AFG1L: variants seen among roughly 807,000 people sequenced by gnomAD.
The protein encoded by AFG1L is AFG1 like ATPase.
A neutral mutation model predicts 62.2 loss-of-function variants in AFG1L; 53 were observed. The observed-to-expected ratio is 0.85, with a 90% confidence interval of 0.68 to 1.07. AFG1L has a LOEUF of 1.07. Ranked by LOEUF, AFG1L falls within the 50% of genes least tolerant of loss-of-function variation. AFG1L has a pLI of 0.00. For synonymous variants in AFG1L, 228 were observed against 210.3 expected (o/e 1.08, Z -0.73); for missense variants, 555 against 590.5 (o/e 0.94, Z 0.62).
intron 6 of AFG1L, among the ~76,000 whole-genome samples, chr6:108,374,689 T>G (rs765829017): frequency 1.1e-4 from 17 of 152,210 alleles, no homozygotes; most frequent in Non-Finnish European, 2.4e-4. Context: ...CATTGGTCTA[T>G]ATGTCTGTTT....
chr6:108,463,507 G>A (rs759329627), intron 8 of AFG1L, among the ~76,000 whole-genome samples: 57 of 151,052 alleles, frequency 3.8e-4, no homozygotes, highest in South Asian at 6.3e-4. Flanking sequence ...AATTCTAGAT[G>A]TCATGGTACT....
intron 2 of AFG1L, among the ~76,000 whole-genome samples, chr6:108,327,769 C>T (rs1778111730): frequency 6.6e-6 from 1 of 152,240 alleles, no homozygotes; most frequent in Non-Finnish European, 1.5e-5. Flanking sequence ...CTTCTGTTCA[C>T]TCTACCAACT....
At chr6:108,495,729 T>C (rs1773951229) in intron 10 of AFG1L, among the ~76,000 whole-genome samples, 1 of 152,220 alleles carries the variant, frequency 6.6e-6, no homozygotes, top group Admixed American at 6.5e-5. Flanking sequence ...AAACAAATAC[T>C]CTTTGCAAAG....
intron 1 of AFG1L, among the ~76,000 whole-genome samples, chr6:108,316,603 G>A (rs1403892112): frequency 1.4e-5 from 2 of 144,968 alleles, no homozygotes; most frequent in African/African-American, 2.6e-5. Flanking sequence ...GTGCGATCTC[G>A]GCTCACTGCA....
At chr6:108,487,397 A>G (rs566337940) in intron 10 of AFG1L, among the ~76,000 whole-genome samples, 1 of 152,276 alleles carries the variant, frequency 6.6e-6, no homozygotes, top group African/African-American at 2.4e-5. Flanking sequence ...AAAAGATACT[A>G]TTTTGCTGAG....
chr6:108,447,327 T>A, intron 8 of AFG1L, 31 bp downstream of exon 8: 1 of 1,230,932 alleles, frequency 8.1e-7, no homozygotes, highest in Non-Finnish European at 1.2e-6. Context: ...AAGTTTAATG[T>A]CTAATCGTTA....
intron 2 of AFG1L, among the ~76,000 whole-genome samples, chr6:108,330,795 A>G (rs536775398): frequency 9.2e-5 from 14 of 152,294 alleles, no homozygotes; most frequent in South Asian, 2.1e-4. Flanking sequence ...AACAAATACT[A>G]TTTCTCAAGG....
chr6:108,444,057 C>CATCTATCTATCTATCT (rs60098143), intron 7 of AFG1L, among the ~76,000 whole-genome samples: 37 of 145,242 alleles, frequency 2.5e-4, no homozygotes, highest in Admixed American at 5.6e-4. Context: ...GAATATCTCC[C>CATCTATCTATCTATCT]ATCTATCTAT....
intron 2 of AFG1L, among the ~76,000 whole-genome samples, chr6:108,325,985 C>T (rs1582377725): frequency 6.6e-6 from 1 of 152,002 alleles, no homozygotes; most frequent in African/African-American, 2.4e-5. Flanking sequence ...CCATACTGGC[C>T]GGGCTTGTCT....
At chr6:108,363,206 C>A (rs1052960295) in intron 5 of AFG1L, among the ~76,000 whole-genome samples, 2 of 152,200 alleles carry the variant, frequency 1.3e-5, no homozygotes, top group African/African-American at 4.8e-5. Flanking sequence ...GTCTTCCTTA[C>A]TAAGTGTAGA....
intron 10 of AFG1L, among the ~76,000 whole-genome samples, chr6:108,485,656 ATTTTTTTTT>A (rs397842829): frequency 1.0e-3 from 26 of 24,994 alleles, no homozygotes; most frequent in African/African-American, 2.6e-3. Flanking sequence ...ATATATATAT[ATTTTTTTTT>A]TTTTTTTTTT....
chr6:108,309,337 G>A (rs1192899962), intron 1 of AFG1L, among the ~76,000 whole-genome samples: 1 of 151,982 alleles, frequency 6.6e-6, no homozygotes, highest in African/African-American at 2.4e-5. Context: ...CTTCTATTTT[G>A]TTCCATTGGT....
At chr6:108,332,960 T>G (rs533559740) in intron 2 of AFG1L, among the ~76,000 whole-genome samples, 9 of 152,298 alleles carry the variant, frequency 5.9e-5, no homozygotes, top group Non-Finnish European at 1.0e-4. Flanking sequence ...CATGTTGTCC[T>G]GTAAATTAAA....
At chr6:108,440,345 T>C (rs1180170033) in intron 7 of AFG1L, among the ~76,000 whole-genome samples, 1 of 151,750 alleles carries the variant, frequency 6.6e-6, no homozygotes, top group Non-Finnish European at 1.5e-5. Flanking sequence ...CTTTTTGTAT[T>C]TTTAGTAGAG....
At chr6:108,503,442 G>A (rs774867720) in intron 10 of AFG1L, among the ~76,000 whole-genome samples, 8 of 152,154 alleles carry the variant, frequency 5.3e-5, no homozygotes, top group East Asian at 1.9e-4. Flanking sequence ...TTGGGTGACC[G>A]AGTGCATTGT....
chr6:108,352,400 A>G (rs1486617588), intron 3 of AFG1L, among the ~76,000 whole-genome samples: 3 of 152,144 alleles, frequency 2.0e-5, no homozygotes, highest in Non-Finnish European at 4.4e-5. Context: ...TGGATACTAA[A>G]ATTTGAGGAT....
intron 1 of AFG1L, among the ~76,000 whole-genome samples, chr6:108,313,942 C>T (rs1777501297): frequency 6.6e-6 from 1 of 152,146 alleles, no homozygotes; most frequent in South Asian, 2.1e-4. Context: ...CAGCTGGGTG[C>T]AGTGGCTCAT....
At chr6:108,461,844 C>T (rs1028391023) in intron 8 of AFG1L, among the ~76,000 whole-genome samples, 2 of 151,990 alleles carry the variant, frequency 1.3e-5, no homozygotes, top group African/African-American at 4.8e-5. Context: ...CATGTAATCC[C>T]AGCACTTTGG....
chr6:108,417,268 A>G (rs1405400465), intron 7 of AFG1L, among the ~76,000 whole-genome samples: 6 of 120,822 alleles, frequency 5.0e-5, no homozygotes, highest in African/African-American at 9.7e-5. Context: ...ACAGACACGC[A>G]CACACACACA....
Sources: allele counts gnomAD v4.1 joint callset (sites outside exome capture counted in the v4.1 genomes callset), GRCh38; gene constraint gnomAD v4.1.1; transcripts MANE v1.5; gene names NCBI Gene and HGNC (gene_info 2026-07-23, HGNC 2026-07-21).